TMEM45B: variants seen among roughly 807,000 people sequenced by gnomAD.
TMEM45B encodes the protein transmembrane protein 45B.
A neutral mutation model predicts 27.3 loss-of-function variants in TMEM45B; 29 were observed. The ratio of observed to expected loss-of-function variants is 1.06; its 90% CI spans 0.79 to 1.45. The LOEUF (loss-of-function observed/expected upper bound fraction) is 1.45, where lower values mean the gene tolerates loss of function less well. TMEM45B is among the 40% of genes most tolerant of loss of function. The pLI, the probability that TMEM45B is intolerant of heterozygous loss-of-function variation, is 0.00. For missense variants in TMEM45B, 348 were observed against 343.9 expected (o/e 1.01, Z -0.09); for synonymous variants, 143 against 134.7 (o/e 1.06, Z -0.43).
intron 1 of TMEM45B, among the ~76,000 whole-genome samples, chr11:129,817,934 T>C (rs1376540661): frequency 3.9e-5 from 6 of 152,234 alleles, no homozygotes; most frequent in Non-Finnish European, 8.8e-5. Context: ...ATTGCAAAAC[T>C]TTTTACTGTA....
chr11:129,845,325 G>C lies in TMEM45B; in HGVS notation c.-8-7150G>C, dbSNP rs963309215. Among the ~76,000 whole-genome samples the C allele has an allele frequency of 4.5e-5, 6 of 131,956 alleles. 1 individual carries two copies. The highest frequency in any genetic ancestry group is 1.9e-4 in the African/African-American group (6 of 31,610). The allele number at this position is 131,956 out of a possible 152,430, so 86.6% of individuals were successfully genotyped here. A position where few individuals can be genotyped will look rare whatever the true frequency, so the allele number is the denominator to read the frequency against. The stretch of plus-strand genomic sequence containing the variant: ...TGCATGAAGGAAGGGGTAGGAAATA[G>C]AGCTATTATAGATGTGTGTGTGTGT... On this transcript the variant is annotated intron_variant, in intron 1 of 5. Coordinates refer to ENST00000281441, the MANE Select transcript of TMEM45B (RefSeq NM_138788.5).
At chr11:129,832,112 T>TATTAC in intron 1 of TMEM45B, among the ~76,000 whole-genome samples, 1 of 142,614 alleles carries the variant, frequency 7.0e-6, no homozygotes, top group South Asian at 2.3e-4. Context: ...GGCTCACGCC[T>TATTAC]GTAATCCCAG....
At position 129,832,721 on chromosome 11, in the gene TMEM45B, C is replaced by T. The variant is rs1174883213; in HGVS notation, c.-9+16823C>T. Among the ~76,000 whole-genome samples the T allele has an allele frequency of 3.9e-5, 6 of 151,996 alleles. No homozygotes were observed. In the South Asian group the frequency reaches 6.2e-4, roughly 16 times the overall value. On this transcript the variant is annotated intron_variant, in intron 1 of 5. Coordinates refer to ENST00000281441, the MANE Select transcript of TMEM45B (RefSeq NM_138788.5). ...AAACACCTTAAAAGGGTAAATTTTA[C>T]GGTACGTAAATTATATGTCATTAGG...
intron 1 of TMEM45B, among the ~76,000 whole-genome samples, chr11:129,829,592 C>T (rs1305845126): frequency 6.6e-6 from 1 of 152,176 alleles, no homozygotes; most frequent in African/African-American, 2.4e-5. Flanking sequence ...GCTGCAAGTG[C>T]CTCTCAGCCT....
chr11:129,849,298 T>C (rs1048995127), intron 1 of TMEM45B, among the ~76,000 whole-genome samples: 1 of 152,224 alleles, frequency 6.6e-6, no homozygotes, highest in African/African-American at 2.4e-5. Context: ...CAGATGTTTC[T>C]AGTCCAAAAG....
intron 1 of TMEM45B, among the ~76,000 whole-genome samples, chr11:129,837,290 C>A (rs1377926408): frequency 2.0e-5 from 3 of 151,032 alleles, no homozygotes; most frequent in African/African-American, 7.3e-5. Context: ...TCTTTTTTTT[C>A]TTTTTTTTGT....
chr11:129,845,403 A>C (rs1947748245), intron 1 of TMEM45B, among the ~76,000 whole-genome samples: 1 of 151,452 alleles, frequency 6.6e-6, no homozygotes, highest in Non-Finnish European at 1.5e-5. Flanking sequence ...TAGAGCTATT[A>C]TATATTGGAA....
intron 1 of TMEM45B, among the ~76,000 whole-genome samples, chr11:129,827,831 G>C (rs757193448): frequency 6.6e-6 from 1 of 152,044 alleles, no homozygotes; most frequent in Non-Finnish European, 1.5e-5. Context: ...TTAGCCGAGC[G>C]TGGTGGTGCA....
At chr11:129,819,393 C>T (rs1428471043) in intron 1 of TMEM45B, among the ~76,000 whole-genome samples, 1 of 152,180 alleles carries the variant, frequency 6.6e-6, no homozygotes, top group Non-Finnish European at 1.5e-5. Context: ...CCGATATGAA[C>T]GTCATCTGAG....
chr11:129,856,329 A>G (rs527587822), intron 4 of TMEM45B, among the ~76,000 whole-genome samples: 1 of 152,104 alleles, frequency 6.6e-6, no homozygotes, highest in African/African-American at 2.4e-5. Context: ...CTCATGCCTC[A>G]GCCTCCTGAG....
intron 1 of TMEM45B, among the ~76,000 whole-genome samples, chr11:129,837,347 G>A (rs952199107): frequency 4.0e-5 from 6 of 151,066 alleles, no homozygotes; most frequent in East Asian, 2.0e-4. Context: ...GTGCAGTGGC[G>A]CCATCTCAGC....
chr11:129,817,224 A>G (rs1209157020), intron 1 of TMEM45B, among the ~76,000 whole-genome samples: 1 of 152,098 alleles, frequency 6.6e-6, no homozygotes, highest in Non-Finnish European at 1.5e-5. Flanking sequence ...TGTTCATGAG[A>G]GACGTGTACT....
intron 1 of TMEM45B, among the ~76,000 whole-genome samples, chr11:129,837,600 T>TTTTTTTTTTTTTTTTA: frequency 2.3e-5 from 3 of 133,256 alleles, no homozygotes; most frequent in African/African-American, 5.3e-5. Context: ...TTTTTTTTTT[T>TTTTTTTTTTTTTTTTA]GAGACAGGGT....
chr11:129,836,812 A>G (rs1169111255), intron 1 of TMEM45B, among the ~76,000 whole-genome samples: 1 of 152,196 alleles, frequency 6.6e-6, no homozygotes, highest in Non-Finnish European at 1.5e-5. Context: ...TGGTCTACCC[A>G]CACAATGAAA....
intron 1 of TMEM45B, among the ~76,000 whole-genome samples, chr11:129,849,827 G>A (rs80319846): frequency 0.33 from 49,580 of 151,956 alleles, 8,872 homozygotes; most frequent in East Asian, 0.47. Context: ...CCCTGAAACT[G>A]TTCTGCCGCA....
intron 5 of TMEM45B, 32 bp downstream of exon 5, chr11:129,857,490 C>A (rs758486437): frequency 6.2e-7 from 1 of 1,612,604 alleles, no homozygotes; most frequent in Non-Finnish European, 8.5e-7. Context: ...AGCTTTTCCT[C>A]CTAACTCTAA....
intron 1 of TMEM45B, among the ~76,000 whole-genome samples, chr11:129,834,349 T>C (rs1385892064): frequency 6.6e-6 from 1 of 151,874 alleles, no homozygotes; most frequent in Non-Finnish European, 1.5e-5. Context: ...AAGAATTGCC[T>C]GAACCTGAAA....
chr11:129,857,254 G>GC (rs1947942177), intron 4 of TMEM45B, 59 bp from the exon 5 acceptor site: 2 of 1,598,856 alleles, frequency 1.3e-6, no homozygotes, highest in South Asian at 2.2e-5. Flanking sequence ...CAGGAGAACG[G>GC]CTAGATTGCT....
chr11:129,817,529 G>A (rs1272696473), intron 1 of TMEM45B, among the ~76,000 whole-genome samples: 1 of 152,188 alleles, frequency 6.6e-6, no homozygotes, highest in African/African-American at 2.4e-5. Flanking sequence ...TGCATTATTT[G>A]TTCTGATATT....
Sources: allele counts gnomAD v4.1 joint callset (sites outside exome capture counted in the v4.1 genomes callset), GRCh38; gene constraint gnomAD v4.1.1; transcripts MANE v1.5; gene names NCBI Gene and HGNC (gene_info 2026-07-23, HGNC 2026-07-21).